The following PAAF1 variants were observed in gnomAD, a reference collection of about 807,000 sequenced individuals.
The protein encoded by PAAF1 is proteasomal ATPase associated factor 1.
In PAAF1, 46 loss-of-function variants were observed where a neutral mutation model predicts 52.8. The observed-to-expected ratio is 0.87, with a 90% CI of 0.69 to 1.11. The LOEUF is 1.11. Among genes scored for constraint, PAAF1 ranks in the 50% most tolerant of loss-of-function variants. The pLI is 0.00. For missense variants in PAAF1, 424 were observed against 477.4 expected (o/e 0.89, Z 1.04); for synonymous variants, 178 against 172.8 (o/e 1.03, Z -0.24).
intron 4 of PAAF1, among the ~76,000 whole-genome samples, chr11:73,891,637 TG>T (rs200644174): frequency 0.027 from 4,157 of 152,138 alleles, 81 homozygotes; most frequent in Non-Finnish European, 0.042. Flanking sequence ...TAGCTGAGCG[TG>T]GTGGCACTTA....
intron 10 of PAAF1, among the ~76,000 whole-genome samples, chr11:73,923,889 G>A (rs1950290110): frequency 6.6e-6 from 1 of 151,934 alleles, no homozygotes; most frequent in Admixed American, 6.6e-5. Context: ...TACAGATTGA[G>A]GAATAATCTG....
At chr11:73,913,023 T>G (rs1461402835) in intron 7 of PAAF1, among the ~76,000 whole-genome samples, 3 of 152,164 alleles carry the variant, frequency 2.0e-5, no homozygotes, top group Admixed American at 6.5e-5. Context: ...ATTACAGGCG[T>G]GCACTACCAT....
intron 3 of PAAF1, chr11:73,889,122 G>A (rs1670560): frequency 0.055 from 73,716 of 1,340,608 alleles, 2,665 homozygotes; most frequent in African/African-American, 0.16. Flanking sequence ...TTTTTCCCAG[G>A]TGTTTTGGCA....
intron 10 of PAAF1, among the ~76,000 whole-genome samples, chr11:73,919,515 A>G (rs930609288): frequency 6.6e-6 from 1 of 152,240 alleles, no homozygotes. Context: ...GCTATTGTAT[A>G]TGCAAAGTCA....
chr11:73,882,385 C>T (rs1051267215), intron 2 of PAAF1, among the ~76,000 whole-genome samples: 1 of 149,154 alleles, frequency 6.7e-6, no homozygotes, highest in African/African-American at 2.5e-5. Flanking sequence ...GATGTCAACT[C>T]TTAAGGAGGA....
At chr11:73,924,453 CAAAA>C (rs967144612) in intron 10 of PAAF1, among the ~76,000 whole-genome samples, 158 bp from the exon 11 acceptor site, 1 of 150,856 alleles carries the variant, frequency 6.6e-6, no homozygotes, top group Admixed American at 6.6e-5. Context: ...TCTCAAAAAA[CAAAA>C]AAAAAGTTGG....
intron 4 of PAAF1, among the ~76,000 whole-genome samples, chr11:73,896,246 T>A (rs1006353028): frequency 2.0e-5 from 3 of 149,874 alleles, no homozygotes; most frequent in African/African-American, 7.4e-5. Context: ...TGTGGAAATA[T>A]CTGAACTCTT....
At chr11:73,877,594 C>T (rs1948778940) in intron 1 of PAAF1, among the ~76,000 whole-genome samples, 1 of 152,124 alleles carries the variant, frequency 6.6e-6, no homozygotes, top group Admixed American at 6.5e-5. Flanking sequence ...CTTCAAGAAG[C>T]TGACATCCAG....
intron 4 of PAAF1, 34 bp downstream of exon 4, chr11:73,891,235 A>G (rs968897342): frequency 8.1e-6 from 10 of 1,227,986 alleles, no homozygotes; most frequent in Admixed American, 5.9e-5. Flanking sequence ...AGAAAATGTA[A>G]TAGCATGTTA....
At chr11:73,897,896 G>C (rs1208107883) in intron 4 of PAAF1, among the ~76,000 whole-genome samples, 1 of 151,970 alleles carries the variant, frequency 6.6e-6, no homozygotes, top group Non-Finnish European at 1.5e-5. Flanking sequence ...GGGCACCATT[G>C]AGCACTGAGT....
chr11:73,903,510 A>G (rs932578139), intron 6 of PAAF1, among the ~76,000 whole-genome samples: 2 of 152,034 alleles, frequency 1.3e-5, no homozygotes, highest in African/African-American at 4.8e-5. Context: ...TGAGGTCAGG[A>G]GTTCAAGACC....
intron 2 of PAAF1, among the ~76,000 whole-genome samples, chr11:73,882,685 C>T (rs1341989146): frequency 6.6e-6 from 1 of 152,110 alleles, no homozygotes; most frequent in Non-Finnish European, 1.5e-5. Context: ...TCACTGCAAG[C>T]TCCGCCTTCC....
intron 1 of PAAF1, 184 bp downstream of exon 1, chr11:73,877,252 C>T: frequency 1.9e-6 from 1 of 534,964 alleles, no homozygotes; most frequent in South Asian, 5.2e-5. Flanking sequence ...GAAAAGCTAT[C>T]CCTAGGCCAA....
intron 10 of PAAF1, among the ~76,000 whole-genome samples, chr11:73,922,850 A>G (rs1156601232): frequency 6.6e-6 from 1 of 151,084 alleles, no homozygotes; most frequent in Non-Finnish European, 1.5e-5. Context: ...TTGGATATAG[A>G]TGATTTTTGA....
At position 73,924,632 on chromosome 11, in the gene PAAF1, A is replaced by G; in HGVS notation, c.1036A>G (p.Ile346Val). 2 of 1,613,820 alleles carry G rather than the reference A, an allele frequency of 1.2e-6. No individual in the cohort carries two copies. Among genetic ancestry groups the G allele is most frequent in the Non-Finnish European group, 8.5e-7 (1 of 1,179,830 alleles). ...CCTTTCAGGTGATGGAAGCTGTTTT[A>G]TTGTCCAGCAAGACTTAGACTATGT... Reference protein sequence around the residue: ...IASQGDGSCFIVQQDLDYVTE... With the variant: ...IASQGDGSCFVVQQDLDYVTE... Residue 346 changes from isoleucine (I) to valine (V), a missense_variant, in exon 11 of 12, where the codon ATT becomes GTT. Physicochemically the swap from Ile to Val is conservative, Grantham distance 29 (BLOSUM62 3). Transcript: ENST00000310571.
At chr11:73,914,930 T>C (rs190235351) in intron 8 of PAAF1, among the ~76,000 whole-genome samples, 1 of 152,176 alleles carries the variant, frequency 6.6e-6, no homozygotes, top group East Asian at 1.9e-4. Flanking sequence ...AGTCTCAAAC[T>C]CCTGACTCAA....
At chr11:73,924,382 G>A (rs557433815) in intron 10 of PAAF1, among the ~76,000 whole-genome samples, 1 of 152,094 alleles carries the variant, frequency 6.6e-6, no homozygotes, top group Non-Finnish European at 1.5e-5. Flanking sequence ...GGAGGTGGAG[G>A]TTGCAGTTTG....
intron 6 of PAAF1, among the ~76,000 whole-genome samples, chr11:73,908,584 A>G (rs185018164): frequency 1.4e-4 from 21 of 151,348 alleles, no homozygotes; most frequent in African/African-American, 4.6e-4. Flanking sequence ...TTTTTTGTAC[A>G]GACAGAGTCA....
At chr11:73,899,728 G>A (rs1949544030) in intron 5 of PAAF1, among the ~76,000 whole-genome samples, 1 of 152,052 alleles carries the variant, frequency 6.6e-6, no homozygotes, top group East Asian at 1.9e-4. Context: ...CTGTCAATTC[G>A]AGAACCTTTC....
Sources: allele counts gnomAD v4.1 joint callset (sites outside exome capture counted in the v4.1 genomes callset), GRCh38; gene constraint gnomAD v4.1.1; transcripts MANE v1.5; gene names NCBI Gene and HGNC (gene_info 2026-07-23, HGNC 2026-07-21).